The following SOBP variants were observed in gnomAD, a reference collection of about 807,000 sequenced individuals.
SOBP encodes sine oculis-binding protein homolog.
A neutral mutation model predicts 53.6 loss-of-function variants in SOBP; 4 were observed. That is an observed-to-expected ratio of 0.07 (90% CI 0.04 to 0.17). The LOEUF is 0.17. Ranked by LOEUF, SOBP falls within the 10% of genes least tolerant of loss-of-function variation. SOBP has a pLI of 1.00. For synonymous variants in SOBP, 584 were observed against 522.6 expected, an observed-to-expected ratio of 1.12 and a Z score of -1.60; for missense variants, 1,088 against 1,204.7, an observed-to-expected ratio of 0.90 and a Z score of 1.43.
In SOBP at chr6:107,500,364, A is replaced by G. The variant is rs1234049277; in HGVS notation, c.97-3293A>G. Among the ~76,000 whole-genome samples the G allele has an allele frequency of 2.7e-5, 4 of 149,724 alleles. No individual in the cohort carries two copies. In the East Asian group the frequency reaches 7.9e-4, roughly 30 times the overall value. ...CATTGCACTCCAGCTTGGCCCACAGAGTGAGACCCTGTCTAAAAAAAAAAA... is the reference window on the plus strand; with the variant it reads ...CATTGCACTCCAGCTTGGCCCACAGGGTGAGACCCTGTCTAAAAAAAAAAA... On this transcript the variant is annotated intron_variant, in intron 1 of 6. Transcript: ENST00000317357.
At chr6:107,569,943 C>T (rs1018022311) in intron 4 of SOBP, among the ~76,000 whole-genome samples, 14 of 151,968 alleles carry the variant, frequency 9.2e-5, no homozygotes, top group South Asian at 2.1e-4. Flanking sequence ...TTACACAGCT[C>T]GAACCTCATC....
At chr6:107,622,774 A>C (rs1770236073) in intron 5 of SOBP, among the ~76,000 whole-genome samples, 1 of 152,218 alleles carries the variant, frequency 6.6e-6, no homozygotes. Context: ...GAATTTTAGG[A>C]ATATAAAAGG....
chr6:107,547,827 C>G (rs1162317126), intron 4 of SOBP, among the ~76,000 whole-genome samples: 4 of 152,150 alleles, frequency 2.6e-5, no homozygotes, highest in Non-Finnish European at 5.9e-5. Flanking sequence ...TGTTCCTGGT[C>G]TTGCAGTTAA....
chr6:107,617,911 T>G (rs1351265862), intron 5 of SOBP, among the ~76,000 whole-genome samples: 1 of 141,400 alleles, frequency 7.1e-6, no homozygotes, highest in Non-Finnish European at 1.5e-5. Context: ...CACTGCAACA[T>G]CTACCTCCTG....
chr6:107,639,873 C>T (rs1181954163), intron 6 of SOBP, among the ~76,000 whole-genome samples: 3 of 152,164 alleles, frequency 2.0e-5, no homozygotes, highest in South Asian at 4.1e-4. Flanking sequence ...AGGAGTAACC[C>T]TTTCATCTCA....
Position 107,564,490 on chromosome 6 carries a change from G to A in SOBP, c.574-22590G>A, listed in dbSNP as rs185150840. On this transcript the variant is annotated intron_variant, in intron 4 of 6. Transcript: ENST00000317357. ...GGTTAATCAAATCTCAGCCTTCAGGGCATAATCTGCATTCCCACAGGAATT... is the reference window on the plus strand; with the variant it reads ...GGTTAATCAAATCTCAGCCTTCAGGACATAATCTGCATTCCCACAGGAATT... Among the ~76,000 whole-genome samples, 224 of 149,098 alleles carry A rather than the reference G, an allele frequency of 1.5e-3. 1 individual carries two copies. The highest frequency in any genetic ancestry group is 2.5e-3 in the Non-Finnish European group (166 of 67,180).
intron 6 of SOBP, among the ~76,000 whole-genome samples, chr6:107,643,162 G>A (rs942762249): frequency 1.3e-5 from 2 of 151,566 alleles, no homozygotes; most frequent in Non-Finnish European, 2.9e-5. Context: ...AGACTGTAAC[G>A]TGATCTTTTT....
chr6:107,502,311 T>A (rs1782863675), intron 1 of SOBP, among the ~76,000 whole-genome samples: 1 of 152,212 alleles, frequency 6.6e-6, no homozygotes, highest in South Asian at 2.1e-4. Flanking sequence ...TAAAAGATTC[T>A]TTGAGCCACA....
chr6:107,612,124 A>C (rs1210257711), intron 5 of SOBP, among the ~76,000 whole-genome samples: 1 of 152,202 alleles, frequency 6.6e-6, no homozygotes, highest in African/African-American at 2.4e-5. Flanking sequence ...TCTGAGGACA[A>C]GACCTGGAGG....
At chr6:107,604,016 C>G (rs1294243904) in intron 5 of SOBP, among the ~76,000 whole-genome samples, 1 of 152,130 alleles carries the variant, frequency 6.6e-6, no homozygotes, top group Non-Finnish European at 1.5e-5. Flanking sequence ...ACCATATGTC[C>G]CAAGATTTGC....
At chr6:107,525,994 C>T (rs1379143030) in intron 3 of SOBP, among the ~76,000 whole-genome samples, 1 of 151,952 alleles carries the variant, frequency 6.6e-6, no homozygotes, top group Non-Finnish European at 1.5e-5. Flanking sequence ...GTTGCCCGGG[C>T]TGGAGTGCAA....
chr6:107,522,537 C>CTTT (rs71551313), intron 3 of SOBP, among the ~76,000 whole-genome samples: 25,844 of 74,858 alleles, frequency 0.35, 4,547 homozygotes, highest in Non-Finnish European at 0.47. Flanking sequence ...AGTATAAAAA[C>CTTT]TTTTTTTTTT....
rs548090576 is a variant in SOBP at position 107,631,154 on chromosome 6, A to T, written c.670-2360A>T. On this transcript the variant is annotated intron_variant, in intron 5 of 6. Coordinates refer to ENST00000317357, the MANE Select transcript of SOBP (RefSeq NM_018013.4). ...GAATCCTTTGGAGGCAAATAATTCA[A>T]TCTGGCAATTTAAAAACCAATTAAG... 5.3e-5 allele frequency among the ~76,000 whole-genome samples: 8 copies of T among 152,322 alleles called. No individual in the cohort carries two copies. In the South Asian group the frequency reaches 1.4e-3, roughly 28 times the overall value.
intron 4 of SOBP, among the ~76,000 whole-genome samples, chr6:107,555,773 G>A (rs1482704578): frequency 2.0e-5 from 3 of 152,146 alleles, no homozygotes; most frequent in Non-Finnish European, 2.9e-5. Flanking sequence ...CACAGATAGC[G>A]CATGACCCAG....
intron 4 of SOBP, among the ~76,000 whole-genome samples, chr6:107,585,010 G>A (rs1785522797): frequency 6.6e-6 from 1 of 152,018 alleles, no homozygotes; most frequent in Non-Finnish European, 1.5e-5. Flanking sequence ...TATGTAAATA[G>A]TAGCCCTTGA....
chr6:107,635,608 T>A lies in SOBP; in HGVS notation c.*3+139T>A. The A allele has an allele frequency of 1.6e-6, 2 of 1,219,460 alleles. No individual in the cohort carries two copies. The highest frequency in any genetic ancestry group is 1.3e-5 in the South Asian group (1 of 77,660). 75.5% of individuals were successfully genotyped at this position (1,219,460 alleles called of 1,614,324 possible). A position where few individuals can be genotyped will look rare whatever the true frequency, so the allele number is the denominator to read the frequency against. On this transcript the variant is annotated intron_variant, in intron 6 of 6. Transcript: ENST00000317357. The surrounding 1 kb of genome is among the most constrained non-coding windows in gnomAD (Gnocchi z 4.5). ...TATTGCACACGGTGTGGTCACGCTA[T>A]CAACATTCTGAGCCAGCAGCTCTGA...
chr6:107,500,621 A>C (rs1782814424), intron 1 of SOBP, among the ~76,000 whole-genome samples: 2 of 151,528 alleles, frequency 1.3e-5, no homozygotes, highest in African/African-American at 4.9e-5. Context: ...TCCCGGGTTC[A>C]CGCCATTCTC....
At chr6:107,651,830 T>G (rs754551336) in intron 6 of SOBP, among the ~76,000 whole-genome samples, 4 of 152,198 alleles carry the variant, frequency 2.6e-5, no homozygotes, top group Non-Finnish European at 4.4e-5. Context: ...CCTAGGGCCT[T>G]TAAGAATTAT....
chr6:107,610,647 A>G lies in SOBP; in HGVS notation c.670-22867A>G, dbSNP rs2115100624. On this transcript the variant is annotated intron_variant, in intron 5 of 6. Coordinates refer to ENST00000317357, the MANE Select transcript of SOBP (RefSeq NM_018013.4). The stretch of plus-strand genomic sequence containing the variant: ...TGTTTTAAAGCTCTTGAGCATTTCA[A>G]AGCATTCAGGTCTTGTTCCAAACAT... Among the ~76,000 whole-genome samples, 5 of 152,360 alleles carry G rather than the reference A, an allele frequency of 3.3e-5. No individual in the cohort carries two copies. The Middle Eastern group carries it at 0.017, about 518-fold the overall frequency.
Sources: gnomAD v4.1 joint callset for allele counts (sites outside exome capture counted in the v4.1 genomes callset) on GRCh38, gnomAD v4.1.1 for gene constraint, Gnocchi (gnomAD v3.1) non-coding constraint, MANE v1.5 for transcripts, NCBI Gene and HGNC (gene_info 2026-07-23, HGNC 2026-07-21) for gene names.